Variants in RASSF4 observed in about 807,000 individuals in gnomAD.
The protein encoded by RASSF4 is ras association domain-containing protein 4.
RASSF4 carries 38 observed loss-of-function variants against 41.1 expected under a neutral mutation model. That is an observed-to-expected ratio of 0.92 (90% CI 0.71 to 1.21). The LOEUF (loss-of-function observed/expected upper bound fraction) is 1.21, where lower values mean the gene tolerates loss of function less well. Ranked by LOEUF, RASSF4 falls within the 50% of genes most tolerant of loss-of-function variation. The pLI is 0.00. For synonymous variants in RASSF4, 179 were observed against 163.4 expected (o/e 1.10, Z -0.73); for missense variants, 414 against 419.4 (o/e 0.99, Z 0.11).
chr10:44,970,424 T>TA, intron 2 of RASSF4, 160 bp downstream of exon 2: 3 of 618,108 alleles, frequency 4.9e-6, no homozygotes, highest in African/African-American at 1.8e-5. Context: ...GCCTGTCCAA[T>TA]AGGGGATCCC....
chr10:44,971,473 G>T, intron 2 of RASSF4: 1 of 584,266 alleles, frequency 1.7e-6, no homozygotes. Flanking sequence ...GAGGCTGCCA[G>T]GGCCTTACCT....
At chr10:44,973,936 A>G (rs1841287125) in intron 3 of RASSF4, among the ~76,000 whole-genome samples, 1 of 152,254 alleles carries the variant, frequency 6.6e-6, no homozygotes, top group Admixed American at 6.5e-5. Context: ...AAGAAAGTGT[A>G]AGGGTTTGAC....
At chr10:44,968,446 G>C (rs887964946) in intron 1 of RASSF4, among the ~76,000 whole-genome samples, 3 of 152,180 alleles carry the variant, frequency 2.0e-5, no homozygotes, top group African/African-American at 7.2e-5. Flanking sequence ...CCTAACTCTG[G>C]AGCAAGGCAG....
intron 2 of RASSF4, chr10:44,971,449 A>G (rs779735354): frequency 1.8e-6 from 1 of 541,904 alleles, no homozygotes; most frequent in African/African-American, 1.9e-5. Flanking sequence ...GAAGCAACGC[A>G]GGTGGAGGGC....
intron 3 of RASSF4, among the ~76,000 whole-genome samples, chr10:44,980,332 T>C (rs71494755): frequency 0.045 from 6,867 of 152,314 alleles, 205 homozygotes; most frequent in Middle Eastern, 0.068. Flanking sequence ...GGCTCTTCTT[T>C]GAATTTATTA....
chr10:44,970,458 G>A (rs537180216), intron 2 of RASSF4, 194 bp downstream of exon 2: 21 of 578,910 alleles, frequency 3.6e-5, no homozygotes, highest in African/African-American at 3.2e-4. Context: ...ACCATGGCTG[G>A]GAGGCATGGG....
intron 1 of RASSF4, 60 bp from the exon 2 acceptor site, chr10:44,970,105 G>A: frequency 1.0e-6 from 1 of 990,810 alleles, no homozygotes; most frequent in Non-Finnish European, 1.6e-6. Context: ...GGTGTTGGGT[G>A]CTGCACTGGC....
At chr10:44,979,274 G>A (rs182492473) in intron 3 of RASSF4, among the ~76,000 whole-genome samples, 50 of 152,320 alleles carry the variant, frequency 3.3e-4, no homozygotes, top group African/African-American at 1.2e-3. Flanking sequence ...AAGGGACCAA[G>A]GGCGGTCTGC....
intron 1 of RASSF4, among the ~76,000 whole-genome samples, chr10:44,965,729 C>T (rs1840877888): frequency 6.6e-6 from 1 of 152,236 alleles, no homozygotes. Flanking sequence ...CTGCCCTCCC[C>T]TGGGATGGTG....
chr10:44,977,420 G>A (rs540681618), intron 3 of RASSF4: 29 of 1,600,158 alleles, frequency 1.8e-5, no homozygotes, highest in South Asian at 1.3e-4. Flanking sequence ...CGGGAGGTGC[G>A]AGTAGAGTGT....
intron 9 of RASSF4, among the ~76,000 whole-genome samples, chr10:44,991,607 C>T (rs1264448093): frequency 6.6e-6 from 1 of 152,222 alleles, no homozygotes; most frequent in Non-Finnish European, 1.5e-5. Flanking sequence ...GCTCCCACCT[C>T]CCTACCCCCT....
At chr10:44,983,805 G>A in intron 4 of RASSF4, 2 of 715,916 alleles carry the variant, frequency 2.8e-6, no homozygotes, top group South Asian at 3.8e-5. Flanking sequence ...GGTCTGCAGG[G>A]CCAGGCTCAC....
chr10:44,989,203 G>A (rs1842020328), intron 6 of RASSF4, 71 bp from the exon 7 acceptor site: 3 of 953,044 alleles, frequency 3.1e-6, no homozygotes, highest in East Asian at 2.4e-5. Flanking sequence ...GCCTTGGTCT[G>A]TTCACCGTTG....
intron 3 of RASSF4, chr10:44,978,809 TGAA>T (rs1841571127): frequency 6.6e-6 from 1 of 152,218 alleles, no homozygotes; most frequent in Non-Finnish European, 1.5e-5. Context: ...CTGAGCAGTG[TGAA>T]GAACCTTCGC....
chr10:44,971,591 T>C (rs1841168930), intron 2 of RASSF4, 182 bp from the exon 3 acceptor site: 1 of 695,130 alleles, frequency 1.4e-6, no homozygotes, highest in Non-Finnish European at 2.6e-6. Context: ...ACCAGGGCCA[T>C]GTGCAGAACC....
At chr10:44,971,265 C>A in intron 2 of RASSF4, 1 of 353,348 alleles carries the variant, frequency 2.8e-6, no homozygotes, top group Non-Finnish European at 5.6e-6. Context: ...GACTTCAGGG[C>A]CTTACTCACA....
At chr10:44,978,202 T>C (rs1164409086) in intron 3 of RASSF4, 1 of 629,922 alleles carries the variant, frequency 1.6e-6, no homozygotes, top group Non-Finnish European at 2.6e-6. Flanking sequence ...GAGCTCCGAC[T>C]GCTGGGATCT....
At chr10:44,970,553 A>G in intron 2 of RASSF4, 1 of 371,624 alleles carries the variant, frequency 2.7e-6, no homozygotes, top group Non-Finnish European at 4.8e-6. Context: ...CATTGATTGC[A>G]TGTTGACAAA....
chr10:44,977,162 G>A (rs979691070), intron 3 of RASSF4: 10 of 485,146 alleles, frequency 2.1e-5, no homozygotes, highest in Middle Eastern at 5.2e-4. Context: ...TGCTCAAGGT[G>A]ATCAGCCAGC....
Sources: allele counts gnomAD v4.1 joint callset (sites outside exome capture counted in the v4.1 genomes callset), GRCh38; gene constraint gnomAD v4.1.1; transcripts MANE v1.5; gene names NCBI Gene and HGNC (gene_info 2026-07-23, HGNC 2026-07-21).